Variants in SNED1 observed in about 807,000 individuals in gnomAD.
SNED1 encodes sushi, nidogen and EGF-like domain-containing protein 1.
A neutral mutation model predicts 166.7 loss-of-function variants in SNED1; 81 were observed. The ratio of observed to expected loss-of-function variants is 0.49; its 90% CI spans 0.41 to 0.58. The LOEUF is 0.58. Among genes scored for constraint, SNED1 ranks in the 20% least tolerant of loss-of-function variants. The pLI is 0.00. For synonymous variants in SNED1, 762 were observed against 822.0 expected (o/e 0.93, Z 1.25); for missense variants, 1,604 against 2,000.2 (o/e 0.80, Z 3.78).
intron 1 of SNED1, among the ~76,000 whole-genome samples, chr2:241,014,529 G>C (rs766703136): frequency 6.6e-6 from 1 of 152,204 alleles, no homozygotes; most frequent in African/African-American, 2.4e-5. Flanking sequence ...GGCTGAGCCA[G>C]TCTCATATGT....
At chr2:241,023,883 TTTTCC>T (rs1458348686) in intron 1 of SNED1, among the ~76,000 whole-genome samples, 3 of 104,966 alleles carry the variant, frequency 2.9e-5, no homozygotes, top group African/African-American at 4.5e-5. Flanking sequence ...TTTTCTTTTT[TTTTCC>T]TTTTTTTTTT....
At chr2:241,003,961 G>C (rs908391735) in intron 1 of SNED1, among the ~76,000 whole-genome samples, 2 of 152,276 alleles carry the variant, frequency 1.3e-5, no homozygotes, top group Non-Finnish European at 2.9e-5. Context: ...TTTCTTGGCT[G>C]AGTGAGCTGG....
Position 241,069,771 on chromosome 2 carries a change from C to G in SNED1, c.3308-149C>G. ...AGATTGTGCTGTACGTGCCAGCCCA[C>G]ACCCCGCCTCGGCACTGTACCATTC... On this transcript the variant is annotated intron_variant, in intron 23 of 31. Coordinates refer to ENST00000310397, the MANE Select transcript of SNED1 (RefSeq NM_001080437.3). The surrounding 1 kb of genome is among the most constrained non-coding windows in gnomAD (Gnocchi z 4.9). 1.1e-6 allele frequency: 1 copy of G among 904,594 alleles called. No individual in the cohort carries two copies. Among genetic ancestry groups the G allele is most frequent in the Non-Finnish European group, 1.6e-6 (1 of 610,114 alleles). The allele number at this position is 904,594 out of a possible 1,614,324, so 56.0% of individuals were successfully genotyped here.
intron 1 of SNED1, among the ~76,000 whole-genome samples, chr2:241,007,680 G>C (rs141817019): frequency 2.0e-5 from 3 of 152,126 alleles, no homozygotes; most frequent in Non-Finnish European, 2.9e-5. Context: ...AACAGACTTC[G>C]GGTTACCATC....
At chr2:241,079,675 C>A (rs1559307164) in intron 27 of SNED1, among the ~76,000 whole-genome samples, 1 of 151,982 alleles carries the variant, frequency 6.6e-6, no homozygotes, top group South Asian at 2.1e-4. Context: ...AAAGGCAACA[C>A]CTAAAAATTG....
At chr2:241,058,501 T>C (rs755546317) in intron 16 of SNED1, among the ~76,000 whole-genome samples, 12 of 152,176 alleles carry the variant, frequency 7.9e-5, no homozygotes, top group South Asian at 4.1e-4. Flanking sequence ...AAATTAGTTC[T>C]TTGAAAAGCC....
intron 8 of SNED1, among the ~76,000 whole-genome samples, chr2:241,047,720 CCTT>C (rs1559261037): frequency 6.6e-6 from 1 of 151,156 alleles, no homozygotes; most frequent in East Asian, 2.0e-4. Context: ...TCTCTCTGGT[CCTT>C]CTTGTTCTGT....
Position 241,093,384 on chromosome 2 carries a change from T to C in SNED1, c.*1748T>C, listed in dbSNP as rs1294277253. 2.0e-5 allele frequency: 3 copies of C among 152,680 alleles called. No homozygotes were observed. Among genetic ancestry groups the C allele is most frequent in the Non-Finnish European group, 4.4e-5 (3 of 68,058 alleles). The allele number at this position is 152,680 out of a possible 1,614,324, so 9.5% of individuals were successfully genotyped here. On this transcript the variant is annotated 3_prime_UTR_variant, in exon 32 of 32. Transcript: ENST00000310397. ...AAGTAGGTGAATCCTACTAGGAAACTTTCTACTCCCTACTAGGACCTCAAG... is the reference window on the plus strand; with the variant it reads ...AAGTAGGTGAATCCTACTAGGAAACCTTCTACTCCCTACTAGGACCTCAAG...
At chr2:241,049,689 A>AT (rs1660269583) in intron 11 of SNED1, 128 bp from the exon 12 acceptor site, 2 of 667,522 alleles carry the variant, frequency 3.0e-6, no homozygotes, top group Admixed American at 4.7e-5. Flanking sequence ...CACAGAGTGT[A>AT]TTTTCAGTGG....
chr2:241,078,301 T>G (rs1249455150), intron 27 of SNED1, among the ~76,000 whole-genome samples: 1 of 150,480 alleles, frequency 6.6e-6, no homozygotes, highest in African/African-American at 2.5e-5. Context: ...GAGAATCGCT[T>G]GAACCCGGGA....
rs1020471539 is a variant in SNED1 at position 241,094,376 on chromosome 2, T to C, written c.*2740T>C. On this transcript the variant is annotated 3_prime_UTR_variant, in exon 32 of 32. Coordinates refer to ENST00000310397, the MANE Select transcript of SNED1 (RefSeq NM_001080437.3). The surrounding 1 kb of genome is among the most constrained non-coding windows in gnomAD (Gnocchi z 4.3). ...GATGTGGACGGAGTCACCGAGCTGC[T>C]TTTCTTTTGCAAAACAAAAGTCTTT... The C allele has an allele frequency of 4.2e-6, 2 of 470,886 alleles. No individual in the cohort carries two copies. Among genetic ancestry groups the C allele is most frequent in the African/African-American group, 2.0e-5 (1 of 49,998 alleles). 29.2% of individuals were successfully genotyped at this position (470,886 alleles called of 1,614,324 possible).
intron 29 of SNED1, among the ~76,000 whole-genome samples, chr2:241,083,211 C>G (rs1347549116): frequency 6.6e-6 from 1 of 152,140 alleles, no homozygotes; most frequent in Non-Finnish European, 1.5e-5. Flanking sequence ...GAGGGCGATG[C>G]TGAACAGACA....
intron 1 of SNED1, among the ~76,000 whole-genome samples, chr2:241,024,857 A>G (rs1348742028): frequency 6.6e-6 from 1 of 151,814 alleles, no homozygotes; most frequent in Non-Finnish European, 1.5e-5. Flanking sequence ...TATTTTTAGT[A>G]GAGACTGGGT....
chr2:241,081,474 T>TCTC (rs2125302564), intron 27 of SNED1, among the ~76,000 whole-genome samples: 1 of 152,288 alleles, frequency 6.6e-6, no homozygotes, highest in African/African-American at 2.4e-5. Flanking sequence ...CTGCGGCCTG[T>TCTC]CTCCTCACCT....
intron 27 of SNED1, among the ~76,000 whole-genome samples, chr2:241,079,361 A>G (rs1333298455): frequency 2.0e-5 from 3 of 150,572 alleles, no homozygotes; most frequent in African/African-American, 7.3e-5. Context: ...GCAGTGAGCC[A>G]AGATCGCCCC....
Position 241,030,585 on chromosome 2 carries a change from C to A in SNED1, c.501+14C>A. On this transcript the variant is annotated intron_variant, in intron 2 of 31. Coordinates refer to ENST00000310397, the MANE Select transcript of SNED1 (RefSeq NM_001080437.3). Reference sequence around the variant, plus strand: ...TCCTCATCCCCTGTGAGTCCAGGCACTTGTCCTGGGGAGGGTGGGTGTGTG... The same window carrying A: ...TCCTCATCCCCTGTGAGTCCAGGCAATTGTCCTGGGGAGGGTGGGTGTGTG... 1 of 1,611,792 alleles carries A rather than the reference C, an allele frequency of 6.2e-7. No individual in the cohort carries two copies.
At chr2:241,026,805 A>C (rs543469884) in intron 1 of SNED1, among the ~76,000 whole-genome samples, 1 of 152,262 alleles carries the variant, frequency 6.6e-6, no homozygotes. Flanking sequence ...TGATTAAAGT[A>C]CATTCACATT....
At position 241,094,075 on chromosome 2, in the gene SNED1, A is replaced by G. The variant is rs530873762; in HGVS notation, c.*2439A>G. 107 of 333,468 alleles carry G rather than the reference A, an allele frequency of 3.2e-4. No individual in the cohort carries two copies. Among genetic ancestry groups the G allele is most frequent in the African/African-American group, 2.2e-3 (102 of 46,120 alleles). 20.7% of individuals were successfully genotyped at this position (333,468 alleles called of 1,614,324 possible). A position where few individuals can be genotyped will look rare whatever the true frequency, so the allele number is the denominator to read the frequency against. On this transcript the variant is annotated 3_prime_UTR_variant, in exon 32 of 32. Coordinates refer to ENST00000310397, the MANE Select transcript of SNED1 (RefSeq NM_001080437.3). This position sits in a 1 kb window ranked among gnomAD's most constrained non-coding sequence, Gnocchi z 4.3. ...GCAGTGACCGGGATGCCACAATGGA[A>G]GAGAAAATGAAAACACTGGCACAGT...
rs981091705 is a variant in SNED1, at chr2:241,013,350, G to A, written c.213+14300G>A. The stretch of plus-strand genomic sequence containing the variant: ...GAGACAGGGTCTCACTCTGTCACCA[G>A]GCTGGAGTGCAGTGGCCTGAGCCTA... On this transcript the variant is annotated intron_variant, in intron 1 of 31. Transcript: ENST00000310397. This position sits in a 1 kb window ranked among gnomAD's most constrained non-coding sequence, Gnocchi z 4.6. Among the ~76,000 whole-genome samples the A allele has an allele frequency of 6.6e-6, 1 of 152,012 alleles. No homozygotes were observed. The highest frequency in any genetic ancestry group is 1.5e-5 in the Non-Finnish European group (1 of 68,018).
Sources: allele counts gnomAD v4.1 joint callset (sites outside exome capture counted in the v4.1 genomes callset), GRCh38; gene constraint gnomAD v4.1.1; non-coding constraint Gnocchi (gnomAD v3.1); transcripts MANE v1.5; gene names NCBI Gene and HGNC (gene_info 2026-07-23, HGNC 2026-07-21).